PDGFA: variants seen among roughly 807,000 people sequenced by gnomAD.
PDGFA encodes platelet-derived growth factor subunit A.
A neutral mutation model predicts 25.6 loss-of-function variants in PDGFA; 9 were observed. The observed-to-expected ratio is 0.35, with a 90% CI of 0.21 to 0.61. The LOEUF (loss-of-function observed/expected upper bound fraction) is 0.61, where lower values mean the gene tolerates loss of function less well. Among genes scored for constraint, PDGFA ranks in the 20% least tolerant of loss-of-function variants. The pLI, the probability that PDGFA is intolerant of heterozygous loss-of-function variation, is 0.75. For missense variants in PDGFA, 242 were observed against 272.8 expected, an observed-to-expected ratio of 0.89 and a Z score of 0.79; for synonymous variants, 133 against 111.8, an observed-to-expected ratio of 1.19 and a Z score of -1.20.
chr7:498,237 G>A (rs1451675794), exon 6 of PDGFA: 7 of 376,948 alleles, frequency 1.9e-5, no homozygotes. Flanking sequence ...CCATCCCACG[G>A]GGCGACCCTC....
intron 2 of PDGFA, among the ~76,000 whole-genome samples, chr7:516,264 C>T (rs906921342): frequency 6.7e-6 from 1 of 148,512 alleles, no homozygotes; most frequent in Non-Finnish European, 1.5e-5. Flanking sequence ...CAAGAAACTA[C>T]AGAAACCATC....
At chr7:519,526 GC>G (rs1783271943), upstream of PDGFA, 2 of 149,170 alleles carry the variant, frequency 1.3e-5, no homozygotes, top group Admixed American at 1.3e-4. Flanking sequence ...CCCACCGCCG[GC>G]CCCGCGCTCG....
At chr7:512,789 G>A (rs1223421933) in intron 2 of PDGFA, 7 of 653,772 alleles carry the variant, frequency 1.1e-5, no homozygotes, top group Non-Finnish European at 1.6e-5. Context: ...CTCCAAGGTA[G>A]CCCAGGTGAG....
intron 4 of PDGFA, among the ~76,000 whole-genome samples, chr7:506,193 C>T (rs1462386991): frequency 1.8e-5 from 2 of 109,116 alleles, no homozygotes; most frequent in African/African-American, 3.2e-5. Flanking sequence ...AAAAAAAAAT[C>T]CCTCAAGTCG....
Position 502,491 on chromosome 7 carries a change from C to T in PDGFA, c.454-1249G>A, listed in dbSNP as rs572013940. ...AGGGCCAGGGATCCTGGGCCATCAC[C>T]GAGGCTACACAAGATGATCCAGGAG... On this transcript the variant is annotated intron_variant, in intron 4 of 5. Coordinates refer to ENST00000402802, the Ensembl canonical transcript of PDGFA. Among the ~76,000 whole-genome samples, 444 of 148,960 alleles carry T rather than the reference C, an allele frequency of 3.0e-3. 3 individuals are homozygous for T. The highest frequency in any genetic ancestry group is 0.011 in the South Asian group (51 of 4,676).
At chr7:515,274 C>T (rs1203009377) in intron 2 of PDGFA, among the ~76,000 whole-genome samples, 2 of 152,152 alleles carry the variant, frequency 1.3e-5, no homozygotes, top group East Asian at 1.9e-4. Context: ...TGTCCCCTGC[C>T]CCTAACAGAC....
intron 2 of PDGFA, chr7:512,753 G>T: frequency 9.5e-7 from 1 of 1,055,750 alleles, no homozygotes. Flanking sequence ...GGAAGAGGTT[G>T]CAGGTGGTCT....
intron 5 of PDGFA, among the ~76,000 whole-genome samples, chr7:499,501 C>A (rs1347603498): frequency 6.6e-6 from 1 of 152,200 alleles, no homozygotes; most frequent in East Asian, 1.9e-4. Context: ...CCAACTTTCC[C>A]AAGCCAGACG....
In PDGFA at chr7:512,474, C is replaced by G. The variant is rs765366632; in HGVS notation, c.161-19G>C. 1.2e-6 allele frequency: 2 copies of G among 1,613,374 alleles called. No homozygotes were observed. Among genetic ancestry groups the G allele is most frequent in the East Asian group, 4.5e-5 (2 of 44,860 alleles). On this transcript the variant is annotated intron_variant, in intron 2 of 5. Coordinates refer to ENST00000402802, the Ensembl canonical transcript of PDGFA. Reference sequence around the variant, plus strand: ...TCACTCCCTGCAGGCGGAAGGAGAACACCGTGAATGCCCCAGGCCCGTGCG... The same window carrying G: ...TCACTCCCTGCAGGCGGAAGGAGAAGACCGTGAATGCCCCAGGCCCGTGCG...
intron 4 of PDGFA, among the ~76,000 whole-genome samples, chr7:509,829 T>A (rs1782718953): frequency 6.6e-6 from 1 of 152,234 alleles, no homozygotes; most frequent in Admixed American, 6.5e-5. Flanking sequence ...TGGATGGAAT[T>A]CTGCTAAAGC....
chr7:518,975 G>C, exon 1 of PDGFA: 1 of 1,542,170 alleles, frequency 6.5e-7, no homozygotes, highest in Non-Finnish European at 8.7e-7. Context: ...CGCAGCCGAG[G>C]AGCAGCAGGC....
intron 3 of PDGFA, among the ~76,000 whole-genome samples, chr7:511,372 ACT>A (rs1562490376): frequency 5.9e-5 from 2 of 33,860 alleles, no homozygotes; most frequent in Non-Finnish European, 1.2e-4. Context: ...GGGGCCAGAG[ACT>A]GGGGGTGGCA....
At chr7:510,109 G>A (rs563091589) in intron 4 of PDGFA, among the ~76,000 whole-genome samples, 1 of 152,288 alleles carries the variant, frequency 6.6e-6, no homozygotes, top group East Asian at 1.9e-4. Context: ...CAGGGCCCGG[G>A]GACGCCAGAC....
chr7:508,776 C>CAGATGGGAGCCCCAGGG (rs1266244503), intron 4 of PDGFA, among the ~76,000 whole-genome samples: 2 of 152,122 alleles, frequency 1.3e-5, no homozygotes, highest in Non-Finnish European at 2.9e-5. Context: ...CCATCCCTCC[C>CAGATGGGAGCCCCAGGG]AGATGGGAGC....
chr7:517,309 C>T lies in PDGFA; in HGVS notation c.160+85G>A, dbSNP rs1391827504. On this transcript the variant is annotated intron_variant, in intron 2 of 5. Coordinates refer to ENST00000402802, the Ensembl canonical transcript of PDGFA. This position sits in a 1 kb window ranked among gnomAD's most constrained non-coding sequence, Gnocchi z 7.4. Reference sequence around the variant, plus strand: ...TCTGACCTTTCGGTGCGCTCCTGCGCGGCGCCCCGCCCGGCCCCAGCTCGG... The same window carrying T: ...TCTGACCTTTCGGTGCGCTCCTGCGTGGCGCCCCGCCCGGCCCCAGCTCGG... 8.7e-6 allele frequency: 4 copies of T among 457,430 alleles called. No homozygotes were observed. Among genetic ancestry groups the T allele is most frequent in the South Asian group, 6.0e-5 (1 of 16,656 alleles). The allele number at this position is 457,430 out of a possible 1,614,324, so 28.3% of individuals were successfully genotyped here.
At chr7:507,237 C>T (rs1011389679) in intron 4 of PDGFA, among the ~76,000 whole-genome samples, 23 of 152,336 alleles carry the variant, frequency 1.5e-4, no homozygotes, top group African/African-American at 4.3e-4. Flanking sequence ...CTCCCAGAAG[C>T]GGGAACATGA....
At chr7:510,041 C>T (rs1782730540) in intron 4 of PDGFA, among the ~76,000 whole-genome samples, 1 of 55,530 alleles carries the variant, frequency 1.8e-5, no homozygotes, top group Admixed American at 2.2e-4. Context: ...GAATATCCAC[C>T]CCCTACTCCT....
chr7:508,658 G>A (rs890550494), intron 4 of PDGFA, among the ~76,000 whole-genome samples: 6 of 143,122 alleles, frequency 4.2e-5, no homozygotes, highest in Non-Finnish European at 6.0e-5. Context: ...GGCCGCACCC[G>A]CCTGTGCCCA....
At chr7:514,923 A>T (rs1583158310) in intron 2 of PDGFA, among the ~76,000 whole-genome samples, 1 of 152,168 alleles carries the variant, frequency 6.6e-6, no homozygotes, top group African/African-American at 2.4e-5. Flanking sequence ...GATGGTGAGG[A>T]ATCCCACTAC....
Sources: gnomAD v4.1 joint callset for allele counts (sites outside exome capture counted in the v4.1 genomes callset) on GRCh38, gnomAD v4.1.1 for gene constraint, Gnocchi (gnomAD v3.1) non-coding constraint, MANE v1.5 for transcripts, NCBI Gene and HGNC (gene_info 2026-07-23, HGNC 2026-07-21) for gene names.